Variants in KCNN2 observed in about 807,000 individuals in gnomAD.
KCNN2 encodes small conductance calcium-activated potassium channel protein 2.
Under a neutral mutation model 55.5 loss-of-function variants are expected in KCNN2, and 24 were observed. The ratio of observed to expected loss-of-function variants is 0.43; its 90% confidence interval spans 0.31 to 0.61. The LOEUF is 0.61. KCNN2 is among the 20% of genes least tolerant of loss of function. KCNN2 has a pLI of 0.08. For missense variants in KCNN2, 754 were observed against 853.6 expected (o/e 0.88, Z 1.45); for synonymous variants, 431 against 336.1 (o/e 1.28, Z -3.09).
intron 2 of KCNN2, among the ~76,000 whole-genome samples, chr5:114,310,413 T>A (rs954521889): frequency 6.6e-6 from 1 of 152,158 alleles, no homozygotes; most frequent in Non-Finnish European, 1.5e-5. Context: ...TCCTTTTCTC[T>A]ATTGAAAAAA....
chr5:114,247,125 G>T (rs951286888), intron 2 of KCNN2, among the ~76,000 whole-genome samples: 2 of 134,092 alleles, frequency 1.5e-5, no homozygotes, highest in African/African-American at 5.6e-5. Context: ...CCAACATGGT[G>T]AAACTCTGTC....
At chr5:114,117,885 C>T (rs892042159) in intron 1 of KCNN2, among the ~76,000 whole-genome samples, 4 of 152,150 alleles carry the variant, frequency 2.6e-5, no homozygotes, top group East Asian at 3.9e-4. Context: ...TCATTTAATC[C>T]CTATAGGTAA....
chr5:114,438,476 T>G (rs963498376), intron 3 of KCNN2, among the ~76,000 whole-genome samples: 2 of 152,108 alleles, frequency 1.3e-5, no homozygotes, highest in Admixed American at 6.5e-5. Context: ...GGGGACAGGA[T>G]AGAAAAGGGG....
chr5:114,370,298 A>T (rs1757723168), intron 2 of KCNN2, among the ~76,000 whole-genome samples: 1 of 152,082 alleles, frequency 6.6e-6, no homozygotes, highest in Admixed American at 6.5e-5. Context: ...TTTTAGTAAG[A>T]TTTTACGTTC....
rs1221368001 is a variant in KCNN2 at position 114,197,839 on chromosome 5, G to GC, written c.-270-23639dup. On this transcript the variant is annotated intron_variant, in intron 1 of 10. Coordinates refer to the KCNN2 transcript ENST00000512097. ...AGGAACTGGGAAGTGGATGTAATGG[G>GC]CCAGGTCATGGCTCAAATGCCACAG... Among the ~76,000 whole-genome samples the GC allele has an allele frequency of 2.6e-5, 4 of 152,258 alleles. No homozygotes were observed. The East Asian group carries it at 7.7e-4, about 29-fold the overall frequency.
intron 2 of KCNN2, among the ~76,000 whole-genome samples, chr5:114,239,544 C>T (rs1239216782): frequency 1.3e-5 from 2 of 152,160 alleles, no homozygotes; most frequent in African/African-American, 4.8e-5. Flanking sequence ...GGGATAGGAC[C>T]ATTTTGATTC....
At chr5:114,409,516 C>T (rs1759056976) in intron 3 of KCNN2, among the ~76,000 whole-genome samples, 1 of 152,044 alleles carries the variant, frequency 6.6e-6, no homozygotes, top group South Asian at 2.1e-4. Flanking sequence ...TGAATCCTAC[C>T]AGTTCCATCT....
intron 1 of KCNN2, among the ~76,000 whole-genome samples, chr5:114,095,674 T>G (rs936279946): frequency 6.6e-5 from 10 of 152,200 alleles, no homozygotes; most frequent in African/African-American, 2.4e-4. Flanking sequence ...CTACCTTGTT[T>G]CTCTGCTTAG....
At chr5:114,351,526 T>G (rs150985274) in intron 2 of KCNN2, among the ~76,000 whole-genome samples, 167 of 151,872 alleles carry the variant, frequency 1.1e-3, no homozygotes, top group African/African-American at 3.9e-3. Flanking sequence ...CATATCGATC[T>G]TAAGGGAAAA....
intron 3 of KCNN2, among the ~76,000 whole-genome samples, chr5:114,432,117 G>A (rs922294764): frequency 6.6e-6 from 1 of 152,210 alleles, no homozygotes; most frequent in Non-Finnish European, 1.5e-5. Context: ...ATTCAACTAC[G>A]TTGTTACTGA....
chr5:114,207,752 A>G (rs1753803993), intron 1 of KCNN2, among the ~76,000 whole-genome samples: 1 of 152,230 alleles, frequency 6.6e-6, no homozygotes, highest in African/African-American at 2.4e-5. Flanking sequence ...GAAAGAAAAC[A>G]TTAGACTCTT....
At chr5:114,064,637 AGGTCATTTAGCTTT>A (rs902521472) in intron 1 of KCNN2, among the ~76,000 whole-genome samples, 11 of 152,206 alleles carry the variant, frequency 7.2e-5, no homozygotes, top group Non-Finnish European at 1.5e-4. Context: ...TTATTGACTT[AGGTCATTTAGCTTT>A]GGGTAGCATG....
intron 1 of KCNN2, among the ~76,000 whole-genome samples, chr5:114,103,289 C>T (rs1275072427): frequency 3.9e-5 from 6 of 151,920 alleles, no homozygotes; most frequent in East Asian, 1.9e-4. Context: ...TATCCTGAGA[C>T]GGCTGAAGTT....
At chr5:114,110,311 T>G (rs564504099) in intron 1 of KCNN2, among the ~76,000 whole-genome samples, 1 of 152,044 alleles carries the variant, frequency 6.6e-6, no homozygotes, top group Non-Finnish European at 1.5e-5. Context: ...TTATTAGAAC[T>G]AAGGCAGAAG....
intron 1 of KCNN2, among the ~76,000 whole-genome samples, chr5:114,090,991 T>C (rs755737338): frequency 2.6e-5 from 4 of 152,112 alleles, no homozygotes; most frequent in Non-Finnish European, 4.4e-5. Flanking sequence ...GCATGTACCA[T>C]GCCCGGCTAA....
intron 1 of KCNN2, among the ~76,000 whole-genome samples, chr5:114,096,496 T>C (rs886304932): frequency 6.6e-6 from 1 of 152,132 alleles, no homozygotes; most frequent in African/African-American, 2.4e-5. Context: ...TCATGACCTG[T>C]ACATCACAGA....
chr5:114,107,939 T>C (rs553737010), intron 1 of KCNN2, among the ~76,000 whole-genome samples: 1 of 152,242 alleles, frequency 6.6e-6, no homozygotes, highest in South Asian at 2.1e-4. Context: ...TTGGATCTAC[T>C]ATAAGGTGTT....
At chr5:114,254,792 A>G (rs576147236) in intron 2 of KCNN2, among the ~76,000 whole-genome samples, 3 of 152,278 alleles carry the variant, frequency 2.0e-5, no homozygotes, top group Admixed American at 2.0e-4. Context: ...GCTGTAACTT[A>G]AAAACAAGCA....
intron 2 of KCNN2, among the ~76,000 whole-genome samples, chr5:114,263,692 A>T (rs1755156306): frequency 6.6e-6 from 1 of 152,212 alleles, no homozygotes; most frequent in Non-Finnish European, 1.5e-5. Flanking sequence ...TTCAGTCTTT[A>T]TCATATATGG....
Sources: gnomAD v4.1 joint callset for allele counts (sites outside exome capture counted in the v4.1 genomes callset) on GRCh38, gnomAD v4.1.1 for gene constraint, MANE v1.5 for transcripts, NCBI Gene and HGNC (gene_info 2026-07-23, HGNC 2026-07-21) for gene names.